The following PRXL2A variants were observed in gnomAD, a reference collection of about 807,000 sequenced individuals.
The protein encoded by PRXL2A is peroxiredoxin like 2A, also known as peroxiredoxin-like 2A.
Under a neutral mutation model 25.6 loss-of-function variants are expected in PRXL2A, and 26 were observed. That is an observed-to-expected ratio of 1.02 (90% CI 0.74 to 1.41). PRXL2A has a LOEUF of 1.41. Ranked by LOEUF, PRXL2A falls within the 40% of genes most tolerant of loss-of-function variation. The pLI is 0.00. For missense variants in PRXL2A, 246 were observed against 273.9 expected (o/e 0.90, Z 0.72); for synonymous variants, 98 against 102.9 (o/e 0.95, Z 0.29).
At position 80,425,651 on chromosome 10, in the gene PRXL2A, G is replaced by A. The variant is rs1845015667; in HGVS notation, c.271-215G>A. 1.3e-5 allele frequency among the ~76,000 whole-genome samples: 2 copies of A among 152,246 alleles called. 1 individual carries two copies. Among genetic ancestry groups the A allele is most frequent in the Admixed American group, 1.3e-4 (2 of 15,288 alleles). ...GTCTAGTGCAGGGAAGGGGCTGGGA[G>A]ATGATGTAGGAGAGAAGCATTGTGG... On this transcript the variant is annotated intron_variant, in intron 3 of 5. Transcript: ENST00000606162.
rs1466445121 is a variant in PRXL2A at position 80,408,561 on chromosome 10, G to T, written c.-85G>T. Reference sequence around the variant, plus strand: ...CTGCGCAAGCGCGGGGCCCGCCCCTGGGACCCTCCGGGCCGGGCGGTTTGG... The same window carrying T: ...CTGCGCAAGCGCGGGGCCCGCCCCTTGGACCCTCCGGGCCGGGCGGTTTGG... On this transcript the variant is annotated 5_prime_UTR_variant, in exon 1 of 6. Coordinates refer to ENST00000606162, the MANE Select transcript of PRXL2A (RefSeq NM_032333.5). The T allele has an allele frequency of 6.6e-6, 1 of 152,384 alleles. No individual in the cohort carries two copies. The highest frequency in any genetic ancestry group is 1.5e-5 in the Non-Finnish European group (1 of 68,112). The allele number at this position is 152,384 out of a possible 1,614,324, so 9.4% of individuals were successfully genotyped here. A position where few individuals can be genotyped will look rare whatever the true frequency, so the allele number is the denominator to read the frequency against.
In PRXL2A at chr10:80,431,192, G is replaced by A. The variant is rs373012824; in HGVS notation, c.577-794G>A. Among the ~76,000 whole-genome samples, 58 of 152,076 alleles carry A rather than the reference G, an allele frequency of 3.8e-4. No homozygotes were observed. In the Middle Eastern group the frequency reaches 0.01, roughly 27 times the overall value. ...GGAGTACAGGTGTGAGCCACAGCACGCAGCCTATTAGTATTTTTAATGTCT... is the reference window on the plus strand; with the variant it reads ...GGAGTACAGGTGTGAGCCACAGCACACAGCCTATTAGTATTTTTAATGTCT... On this transcript the variant is annotated intron_variant, in intron 5 of 5. Coordinates refer to ENST00000606162, the MANE Select transcript of PRXL2A (RefSeq NM_032333.5).
chr10:80,415,084 A>G (rs1013995593), intron 1 of PRXL2A, among the ~76,000 whole-genome samples: 2 of 152,302 alleles, frequency 1.3e-5, no homozygotes, highest in Middle Eastern at 3.4e-3. Flanking sequence ...TGTGCTCTCC[A>G]GGTATTCCTG....
chr10:80,418,462 C>A (rs1339968796), intron 1 of PRXL2A, among the ~76,000 whole-genome samples: 2 of 152,132 alleles, frequency 1.3e-5, no homozygotes, highest in African/African-American at 2.4e-5. Context: ...CTCCCACCCC[C>A]ACCTCATGCA....
At position 80,432,373 on chromosome 10, in the gene PRXL2A, G is replaced by A; in HGVS notation, c.*274G>A. On this transcript the variant is annotated 3_prime_UTR_variant, in exon 6 of 6. Transcript: ENST00000606162. ...ATTGACTGCCAGGCTGGGTGCAGTG[G>A]CTCACACCTGTAATCCCAGCACTTT... The A allele has an allele frequency of 3.0e-6, 1 of 331,816 alleles. No homozygotes were observed. Among genetic ancestry groups the A allele is most frequent in the Non-Finnish European group, 5.4e-6 (1 of 184,854 alleles). 20.6% of individuals were successfully genotyped at this position (331,816 alleles called of 1,614,324 possible). A position where few individuals can be genotyped will look rare whatever the true frequency, so the allele number is the denominator to read the frequency against.
chr10:80,419,681 A>G (rs1002807515), intron 1 of PRXL2A, among the ~76,000 whole-genome samples: 1 of 152,156 alleles, frequency 6.6e-6, no homozygotes, highest in Non-Finnish European at 1.5e-5. Context: ...ACAGGAGAAA[A>G]AAGTCAGATT....
chr10:80,411,345 C>A (rs1030301505), intron 1 of PRXL2A, among the ~76,000 whole-genome samples: 1 of 152,224 alleles, frequency 6.6e-6, no homozygotes, highest in Non-Finnish European at 1.5e-5. Flanking sequence ...CTCCAGGCAG[C>A]AGATTTCCCA....
intron 1 of PRXL2A, among the ~76,000 whole-genome samples, chr10:80,416,645 CG>C (rs908936213): frequency 6.6e-6 from 1 of 152,102 alleles, no homozygotes; most frequent in Non-Finnish European, 1.5e-5. Context: ...AGGGTCTTGG[CG>C]GGGGGCCCAG....
chr10:80,421,133 G>A (rs1844847667), intron 2 of PRXL2A, among the ~76,000 whole-genome samples: 1 of 152,170 alleles, frequency 6.6e-6, no homozygotes, highest in Admixed American at 6.5e-5. Context: ...ACAGACATAT[G>A]CTTATTAGAA....
chr10:80,412,642 T>G (rs1844512737), intron 1 of PRXL2A, among the ~76,000 whole-genome samples: 1 of 152,086 alleles, frequency 6.6e-6, no homozygotes, highest in Non-Finnish European at 1.5e-5. Flanking sequence ...CAGTGAGCAG[T>G]CAGTTGTCAG....
At chr10:80,427,197 G>A (rs189833838) in intron 4 of PRXL2A, 135 bp from the exon 5 acceptor site, 46 of 669,854 alleles carry the variant, frequency 6.9e-5, no homozygotes, top group African/African-American at 5.8e-4. Flanking sequence ...GTGTGTGTTG[G>A]GTGGGAGAGA....
rs1478025403 is a variant in PRXL2A at position 80,436,161 on chromosome 10, T to C, written c.*4062T>C. The C allele has an allele frequency of 6.7e-6, 1 of 149,906 alleles. No individual in the cohort carries two copies. 9.3% of individuals were successfully genotyped at this position (149,906 alleles called of 1,614,324 possible). On this transcript the variant is annotated 3_prime_UTR_variant, in exon 6 of 6. Transcript: ENST00000606162. ...ATAGAATCTTGCTTGTCACCTAGGC[T>C]AGAGTGCAGTAATGCAATCATGGCT... is the stretch of plus-strand genomic sequence containing the variant.
At chr10:80,410,155 T>C (rs551993252) in intron 1 of PRXL2A, among the ~76,000 whole-genome samples, 98 of 152,380 alleles carry the variant, frequency 6.4e-4, no homozygotes, top group African/African-American at 2.3e-3. Flanking sequence ...GCAGCTGTCC[T>C]GCCAGTTGGG....
chr10:80,423,725 A>G (rs1844940585), intron 3 of PRXL2A, among the ~76,000 whole-genome samples: 1 of 152,230 alleles, frequency 6.6e-6, no homozygotes, highest in African/African-American at 2.4e-5. Context: ...GGAAACAGTT[A>G]CAGAGGTTGT....
At chr10:80,420,304 A>G in intron 1 of PRXL2A, 162 bp from the exon 2 acceptor site, 1 of 1,367,876 alleles carries the variant, frequency 7.3e-7, no homozygotes. Context: ...TGGTGGCAGC[A>G]GGTGCTTAGC....
intron 1 of PRXL2A, among the ~76,000 whole-genome samples, chr10:80,417,533 C>T (rs1409529873): frequency 1.3e-5 from 2 of 152,032 alleles, no homozygotes; most frequent in Non-Finnish European, 2.9e-5. Flanking sequence ...AAGAGACAAG[C>T]AGGATAAAAT....
chr10:80,408,384 C>T (rs1008760675), upstream of PRXL2A: 3 of 152,072 alleles, frequency 2.0e-5, no homozygotes, highest in African/African-American at 7.2e-5. Flanking sequence ...CGTAAAAGGA[C>T]CGCTGGGGCA....
intron 1 of PRXL2A, among the ~76,000 whole-genome samples, chr10:80,412,611 C>G (rs117830142): frequency 6.6e-6 from 1 of 152,150 alleles, no homozygotes; most frequent in African/African-American, 2.4e-5. Context: ...TGCGCACACA[C>G]ATGCACGCTA....
At chr10:80,408,971 G>A (rs1844365298) in intron 1 of PRXL2A, 3 of 943,666 alleles carry the variant, frequency 3.2e-6, no homozygotes, top group Non-Finnish European at 3.8e-6. Flanking sequence ...AGTGACGCCG[G>A]TGGCGCCAAC....
Sources: gnomAD v4.1 joint callset for allele counts (sites outside exome capture counted in the v4.1 genomes callset) on GRCh38, gnomAD v4.1.1 for gene constraint, MANE v1.5 for transcripts, NCBI Gene and HGNC (gene_info 2026-07-23, HGNC 2026-07-21) for gene names.